The following RTN4 variants were observed in gnomAD, a reference collection of about 807,000 sequenced individuals.
The protein encoded by RTN4 is reticulon-4.
A neutral mutation model predicts 90.4 loss-of-function variants in RTN4; 32 were observed. The ratio of observed to expected loss-of-function variants is 0.35; its 90% CI spans 0.27 to 0.48. The LOEUF (loss-of-function observed/expected upper bound fraction) is 0.48. Ranked by LOEUF, RTN4 falls within the 20% of genes least tolerant of loss-of-function variation. The pLI, the probability that RTN4 is intolerant of heterozygous loss-of-function variation, is 0.99. For missense variants in RTN4, 1,706 were observed against 1,430.2 expected, an observed-to-expected ratio of 1.19 and a Z score of -3.11; for synonymous variants, 629 against 552.5, an observed-to-expected ratio of 1.14 and a Z score of -1.94.
intron 2 of RTN4, among the ~76,000 whole-genome samples, chr2:55,076,779 G>C (rs1343817967): frequency 3.3e-5 from 5 of 152,016 alleles, no homozygotes; most frequent in Non-Finnish European, 7.4e-5. Flanking sequence ...GAATCATGGG[G>C]GTGGTTACCC....
chr2:55,065,868 G>C (rs1262400821), intron 2 of RTN4, among the ~76,000 whole-genome samples: 2 of 152,116 alleles, frequency 1.3e-5, no homozygotes, highest in African/African-American at 4.8e-5. Context: ...TGGGATGCTG[G>C]AACTACTCTA....
intron 5 of RTN4, among the ~76,000 whole-genome samples, chr2:54,975,806 CA>C (rs1677580684): frequency 6.6e-6 from 1 of 152,190 alleles, no homozygotes; most frequent in Non-Finnish European, 1.5e-5. Context: ...ATGACTCTAC[CA>C]AGCAACAGTT....
intron 1 of RTN4, among the ~76,000 whole-genome samples, chr2:55,042,223 G>A (rs1683126536): frequency 6.6e-6 from 1 of 152,122 alleles, no homozygotes; most frequent in African/African-American, 2.4e-5. Context: ...ATGACACTTT[G>A]GCATTAGCTA....
chr2:54,973,435 C>A, intron 8 of RTN4, 128 bp downstream of exon 8: 1 of 804,942 alleles, frequency 1.2e-6, no homozygotes, highest in South Asian at 1.6e-5. Flanking sequence ...AATCTTTTGG[C>A]AACTCTGAAG....
chr2:55,028,281 G>A, intron 1 of RTN4, 61 bp from the exon 2 acceptor site: 1 of 1,448,620 alleles, frequency 6.9e-7, no homozygotes, highest in Non-Finnish European at 9.5e-7. Context: ...GGAGACTAAA[G>A]ATAAGAGGAG....
chr2:55,065,848 T>TA (rs1312533478), intron 2 of RTN4, among the ~76,000 whole-genome samples: 1 of 152,216 alleles, frequency 6.6e-6, no homozygotes, highest in African/African-American at 2.4e-5. Context: ...CAGGGCTTGA[T>TA]AGGGCCTTGT....
At chr2:55,119,765 A>G in the RTN4 span, among the ~76,000 whole-genome samples, 11 of 152,182 alleles carry the variant, frequency 7.2e-5, no homozygotes, top group Non-Finnish European at 1.3e-4. Context: ...ACTAGGATCT[A>G]GGGCATGTGG....
rs200087263 is a variant in RTN4 at position 55,026,953 on chromosome 2, C to T, written c.1146G>A (p.Glu382=). The T allele has an allele frequency of 2.5e-6, 4 of 1,613,438 alleles. No homozygotes were observed. The highest frequency in any genetic ancestry group is 2.2e-5 in the East Asian group (1 of 44,868). The change falls in exon 3 of 9, where the codon GAG becomes GAA. Residue 382 remains glutamate (E), a synonymous_variant. Coordinates refer to ENST00000337526, the MANE Select transcript of RTN4 (RefSeq NM_020532.5). The stretch of plus-strand genomic sequence containing the variant: ...CAAATGGTTTGAAGTCTGCATATTC[C>T]TCCCTCATAGGAGCTTCCACTGCAA... ...KRVAVEAPMR[E]EYADFKPFER...
intron 4 of RTN4, among the ~76,000 whole-genome samples, chr2:54,983,238 C>A (rs1447921141): frequency 1.3e-5 from 2 of 151,522 alleles, no homozygotes; most frequent in Non-Finnish European, 1.5e-5. Context: ...GCAATCCTAG[C>A]AAAACATAAG....
At chr2:55,063,309 G>A (rs1668333045) in intron 2 of RTN4, among the ~76,000 whole-genome samples, 1 of 152,236 alleles carries the variant, frequency 6.6e-6, no homozygotes, top group African/African-American at 2.4e-5. Flanking sequence ...TAAGTGGAGA[G>A]TAGAATGCTG....
chr2:55,010,930 A>G (rs1395788927), intron 3 of RTN4, among the ~76,000 whole-genome samples: 1 of 152,360 alleles, frequency 6.6e-6, no homozygotes, highest in East Asian at 1.9e-4. Flanking sequence ...AGACACCTCT[A>G]CAGACAGTAT....
intron 1 of RTN4, among the ~76,000 whole-genome samples, chr2:55,095,971 G>C (rs917866310): frequency 2.6e-5 from 4 of 152,206 alleles, no homozygotes; most frequent in Non-Finnish European, 4.4e-5. Flanking sequence ...TAATGGGACA[G>C]TGGTTATGGG....
chr2:55,079,422 T>A (rs1022132327), intron 2 of RTN4, among the ~76,000 whole-genome samples: 1 of 152,130 alleles, frequency 6.6e-6, no homozygotes, highest in Non-Finnish European at 1.5e-5. Context: ...ATCTGTCAAG[T>A]AACTTAGAAG....
chr2:55,078,109 C>T (rs1184719770), intron 2 of RTN4, among the ~76,000 whole-genome samples: 1 of 151,980 alleles, frequency 6.6e-6, no homozygotes, highest in Non-Finnish European at 1.5e-5. Context: ...GCACCAAAAT[C>T]TCACAAACCA....
chr2:55,058,525 C>CTT (rs1302856871), intron 2 of RTN4, among the ~76,000 whole-genome samples: 1 of 151,970 alleles, frequency 6.6e-6, no homozygotes, highest in Non-Finnish European at 1.5e-5. Context: ...AGCTTCTGAA[C>CTT]TTTTTGTTGA....
At chr2:55,057,968 G>A (rs184616116) in intron 2 of RTN4, among the ~76,000 whole-genome samples, 1 of 152,164 alleles carries the variant, frequency 6.6e-6, no homozygotes, top group Non-Finnish European at 1.5e-5. Context: ...GGGCAACAGA[G>A]CAAAATCCTA....
At chr2:55,111,962 C>A (rs982777997) in intron 1 of RTN4, among the ~76,000 whole-genome samples, 1 of 152,170 alleles carries the variant, frequency 6.6e-6, no homozygotes, top group African/African-American at 2.4e-5. Context: ...ACTGCTTCAA[C>A]CACCAGAAGC....
the RTN4 span, among the ~76,000 whole-genome samples, chr2:55,126,187 T>C: frequency 3.3e-5 from 5 of 151,166 alleles, no homozygotes; most frequent in East Asian, 9.8e-4. Flanking sequence ...CTGACCAACA[T>C]GGAGAAACCC....
intron 3 of RTN4, among the ~76,000 whole-genome samples, chr2:55,004,724 AC>A (rs1161531535): frequency 6.6e-6 from 1 of 152,136 alleles, no homozygotes; most frequent in Non-Finnish European, 1.5e-5. Flanking sequence ...CAATCAGAAG[AC>A]CCAGTGATGA....
Sources: gnomAD v4.1 joint callset for allele counts (sites outside exome capture counted in the v4.1 genomes callset) on GRCh38, gnomAD v4.1.1 for gene constraint, MANE v1.5 for transcripts, NCBI Gene and HGNC (gene_info 2026-07-23, HGNC 2026-07-21) for gene names.